The following POLH variants were observed in gnomAD, a reference collection of about 807,000 sequenced individuals.
POLH encodes the protein DNA polymerase eta.
POLH carries 53 observed loss-of-function variants against 73.6 expected under a neutral mutation model. The ratio of observed to expected loss-of-function variants is 0.72; its 90% CI spans 0.58 to 0.91. The LOEUF is 0.91. Ranked by LOEUF, POLH falls within the 40% of genes least tolerant of loss-of-function variation. The pLI, the probability that POLH is intolerant of heterozygous loss-of-function variation, is 0.00. For synonymous variants in POLH, 292 were observed against 308.5 expected (o/e 0.95, Z 0.56); for missense variants, 768 against 865.4 (o/e 0.89, Z 1.41).
At position 43,587,386 on chromosome 6, in the gene POLH, A is replaced by G. The variant is rs370505776; in HGVS notation, c.387A>G (p.Leu129=). ...TGACCAGTGCTGTACAAGAGAGACT[A>G]CAAAAGCTACAAGGTCAGCCTATCT... ...VDLTSAVQER[L]QKLQGQPISA... Residue 129 remains leucine, a synonymous_variant, in exon 4 of 11, where the codon CTA becomes CTG. Transcript: ENST00000372236. 38 of 1,614,192 alleles carry G rather than the reference A, an allele frequency of 2.4e-5. 1 individual carries two copies. The East Asian group carries it at 5.3e-4, about 23-fold the overall frequency.
chr6:43,605,624 A>AT (rs1350996668), intron 9 of POLH, among the ~76,000 whole-genome samples: 3 of 151,280 alleles, frequency 2.0e-5, no homozygotes, highest in Non-Finnish European at 4.4e-5. Context: ...AAATTTTTTT[A>AT]TTTTTTGTAG....
intron 8 of POLH, 128 bp from the exon 9 acceptor site, chr6:43,605,126 C>T: frequency 1.4e-6 from 1 of 705,142 alleles, no homozygotes; most frequent in South Asian, 1.5e-5. Context: ...ATCTGGTGAT[C>T]CTTTGATTAT....
At chr6:43,612,743 T>A (rs1363857089) in intron 10 of POLH, among the ~76,000 whole-genome samples, 1 of 152,118 alleles carries the variant, frequency 6.6e-6, no homozygotes, top group Non-Finnish European at 1.5e-5. Flanking sequence ...GAAATTCAGC[T>A]TATGTGAAAA....
intron 3 of POLH, 116 bp from the exon 4 acceptor site, chr6:43,587,156 C>A: frequency 1.2e-6 from 1 of 828,698 alleles, no homozygotes; most frequent in Middle Eastern, 2.3e-4. Context: ...CTCTGTTAAG[C>A]CACATGTCTC....
chr6:43,607,031 C>G (rs1212278686), intron 9 of POLH, among the ~76,000 whole-genome samples: 1 of 152,174 alleles, frequency 6.6e-6, no homozygotes, highest in Admixed American at 6.5e-5. Flanking sequence ...TGAAGTCTTT[C>G]ACTTAATATG....
chr6:43,620,477 C>T lies in POLH; in HGVS notation c.*5920C>T, dbSNP rs1768642170. 8.8e-6 allele frequency: 3 copies of T among 340,810 alleles called. No homozygotes were observed. Among genetic ancestry groups the T allele is most frequent in the South Asian group, 7.0e-5 (3 of 42,682 alleles). 21.1% of individuals were successfully genotyped at this position (340,810 alleles called of 1,614,324 possible). A position where few individuals can be genotyped will look rare whatever the true frequency, so the allele number is the denominator to read the frequency against. ...GGAAGGAAGCTGAGCCTGTAGCTAA[C>T]GCATAAGCACAGTGTATTCAATAAA... On this transcript the variant is annotated 3_prime_UTR_variant, in exon 11 of 11. Coordinates refer to ENST00000372236, the MANE Select transcript of POLH (RefSeq NM_006502.3).
chr6:43,612,800 ATTTTTTTTT>A (rs973070635), intron 10 of POLH, among the ~76,000 whole-genome samples: 3 of 134,054 alleles, frequency 2.2e-5, no homozygotes, highest in African/African-American at 8.3e-5. Flanking sequence ...AAAATTTCTG[ATTTTTTTTT>A]TTTTTTTTTT....
chr6:43,580,863 C>T (rs1764043626), intron 1 of POLH, among the ~76,000 whole-genome samples: 2 of 148,792 alleles, frequency 1.3e-5, no homozygotes, highest in Admixed American at 6.6e-5. Flanking sequence ...CCCTCACCTC[C>T]CAGACGGGGC....
chr6:43,602,244 G>T (rs886489191), intron 6 of POLH, among the ~76,000 whole-genome samples: 9 of 152,192 alleles, frequency 5.9e-5, no homozygotes, highest in African/African-American at 2.2e-4. Flanking sequence ...CATTAGAGAA[G>T]AAGCCAAGTC....
chr6:43,578,686 G>A (rs1363321883), intron 1 of POLH, among the ~76,000 whole-genome samples: 1 of 152,194 alleles, frequency 6.6e-6, no homozygotes, highest in Non-Finnish European at 1.5e-5. Context: ...CTGGGAGTAG[G>A]AGAACTCTAC....
intron 4 of POLH, among the ~76,000 whole-genome samples, chr6:43,593,960 T>G (rs1398034693): frequency 6.6e-6 from 1 of 151,954 alleles, no homozygotes; most frequent in Non-Finnish European, 1.5e-5. Context: ...CTACCTGAAG[T>G]ATTTCCTGTA....
chr6:43,583,098 C>T lies in POLH; in HGVS notation c.229C>T (p.Leu77=), dbSNP rs199840329. The T allele has an allele frequency of 7.8e-5, 126 of 1,613,790 alleles. No homozygotes were observed. The highest frequency in any genetic ancestry group is 6.7e-4 in the South Asian group (61 of 91,082). ...DAKKLCPDLL[L]AQVRESRGKA... is the part of the protein sequence containing the mutation. ...TAAGAAGTTATGTCCAGATCTTCTA[C>T]TGGCACAAGTTCGTGAGTCCCGTGG... The change falls in exon 3 of 11, where the codon CTG becomes TTG. Residue 77 remains leucine, a synonymous_variant. Coordinates refer to ENST00000372236, the MANE Select transcript of POLH (RefSeq NM_006502.3).
intron 4 of POLH, among the ~76,000 whole-genome samples, chr6:43,590,316 CCACTG>C (rs894336135): frequency 1.3e-5 from 2 of 151,192 alleles, no homozygotes; most frequent in Non-Finnish European, 2.9e-5. Flanking sequence ...TGAGATCGTA[CCACTG>C]CACTCCAGCC....
rs772706799 is a variant in POLH, at chr6:43,587,325, T to C, written c.326T>C (p.Ile109Thr). 1.9e-6 allele frequency: 3 copies of C among 1,614,066 alleles called. No individual in the cohort carries two copies. In the South Asian group the frequency reaches 3.3e-5, roughly 18 times the overall value. ...VMEIMSRFAV[I>T]ERASIDEAYV... Reference sequence around the variant, plus strand: ...GAGATAATGTCTCGTTTTGCTGTGATTGAACGTGCCAGCATTGATGAGGCT... The same window carrying C: ...GAGATAATGTCTCGTTTTGCTGTGACTGAACGTGCCAGCATTGATGAGGCT... Residue 109 changes from isoleucine to threonine, a missense_variant, in exon 4 of 11, where the codon ATT becomes ACT. By Grantham distance (89) the Ile-to-Thr change is moderately conservative. Coordinates refer to ENST00000372236, the MANE Select transcript of POLH (RefSeq NM_006502.3).
Position 43,614,965 on chromosome 6 carries a change from T to C in POLH, c.*408T>C, listed in dbSNP as rs995782976. On this transcript the variant is annotated 3_prime_UTR_variant, in exon 11 of 11. Transcript: ENST00000372236. Reference sequence around the variant, plus strand: ...ACAGATTATTGCAGATTAATAACAATGTATTCAAATTATGTAACTCGGCCG... The same window carrying C: ...ACAGATTATTGCAGATTAATAACAACGTATTCAAATTATGTAACTCGGCCG... 5.6e-6 allele frequency: 1 copy of C among 177,686 alleles called. No individual in the cohort carries two copies. Among genetic ancestry groups the C allele is most frequent in the Non-Finnish European group, 1.2e-5 (1 of 83,584 alleles). 11.0% of individuals were successfully genotyped at this position (177,686 alleles called of 1,614,324 possible).
intron 8 of POLH, 100 bp from the exon 9 acceptor site, chr6:43,605,154 C>T: frequency 2.6e-6 from 2 of 755,924 alleles, no homozygotes; most frequent in Non-Finnish European, 4.7e-6. Context: ...CTTTGGTGCA[C>T]AATTCTGTTT....
At chr6:43,605,169 G>GA (rs1189744170) in intron 8 of POLH, 85 bp from the exon 9 acceptor site, 50 of 809,046 alleles carry the variant, frequency 6.2e-5, no homozygotes, top group Non-Finnish European at 9.6e-5. Context: ...CTGTTTGGGA[G>GA]AAAAAAAAGA....
chr6:43,587,212 C>T, intron 3 of POLH, 60 bp from the exon 4 acceptor site: 1 of 1,215,624 alleles, frequency 8.2e-7, no homozygotes, highest in Non-Finnish European at 1.2e-6. Context: ...GGGAGTGGAG[C>T]AGACAATCTC....
chr6:43,596,893 C>T (rs57831672), intron 4 of POLH, among the ~76,000 whole-genome samples: 5,171 of 152,158 alleles, frequency 0.034, 302 homozygotes, highest in African/African-American at 0.12. Flanking sequence ...AACAGCTTAT[C>T]AAGGGAATAA....
Sources: allele counts gnomAD v4.1 joint callset (sites outside exome capture counted in the v4.1 genomes callset), GRCh38; gene constraint gnomAD v4.1.1; transcripts MANE v1.5; gene names NCBI Gene and HGNC (gene_info 2026-07-23, HGNC 2026-07-21).